The following CLSTN2 variants were observed in gnomAD, a reference collection of about 807,000 sequenced individuals.
CLSTN2 encodes calsyntenin-2.
A neutral mutation model predicts 101.2 loss-of-function variants in CLSTN2; 48 were observed. The ratio of observed to expected loss-of-function variants is 0.47; its 90% CI spans 0.38 to 0.60. CLSTN2 has a LOEUF of 0.60. CLSTN2 is among the 20% of genes least tolerant of loss of function. The pLI is 0.00. For synonymous variants in CLSTN2, 481 were observed against 463.6 expected, an observed-to-expected ratio of 1.04 and a Z score of -0.48; for missense variants, 1,160 against 1,238.2, an observed-to-expected ratio of 0.94 and a Z score of 0.95.
intron 1 of CLSTN2, among the ~76,000 whole-genome samples, chr3:140,028,257 C>T (rs562068428): frequency 6.6e-6 from 1 of 152,282 alleles, no homozygotes; most frequent in Admixed American, 6.5e-5. Flanking sequence ...TGTCCATTCC[C>T]AGCAAGTGGC....
chr3:139,961,396 G>A, intron 1 of CLSTN2, among the ~76,000 whole-genome samples: 2 of 152,198 alleles, frequency 1.3e-5, no homozygotes, highest in East Asian at 3.8e-4. Context: ...AGGTGGGATG[G>A]ATGTGGCAGA....
intron 10 of CLSTN2, among the ~76,000 whole-genome samples, chr3:140,549,782 C>T (rs1935671155): frequency 1.3e-5 from 2 of 150,086 alleles, no homozygotes; most frequent in South Asian, 4.2e-4. Flanking sequence ...TACTGCCCTC[C>T]TCCCACCTCT....
In CLSTN2 at chr3:140,232,040, G is replaced by A. The variant is rs372667943; in HGVS notation, c.232+55967G>A. Reference sequence around the variant, plus strand: ...TGGGTCAGTGTGAGGATTCAACGAGGAAAAGTATTTAAAATATCTATAACA... The same window carrying A: ...TGGGTCAGTGTGAGGATTCAACGAGAAAAAGTATTTAAAATATCTATAACA... On this transcript the variant is annotated intron_variant, in intron 2 of 16. Transcript: ENST00000458420. Among the ~76,000 whole-genome samples, 5 of 152,290 alleles carry A rather than the reference G, an allele frequency of 3.3e-5. No homozygotes were observed. In the East Asian group the frequency reaches 9.6e-4, roughly 29 times the overall value.
chr3:140,444,227 C>T (rs935177204), intron 5 of CLSTN2, among the ~76,000 whole-genome samples: 2 of 152,022 alleles, frequency 1.3e-5, no homozygotes, highest in African/African-American at 2.4e-5. Flanking sequence ...GTCAGGAGTT[C>T]GAGACCAGCC....
intron 12 of CLSTN2, among the ~76,000 whole-genome samples, chr3:140,559,177 A>C (rs1478695094): frequency 3.3e-5 from 5 of 151,718 alleles, no homozygotes; most frequent in Admixed American, 3.3e-4. Context: ...AAAAAAAAAA[A>C]ACACAGAAAA....
At chr3:140,223,520 G>A (rs1037865931) in intron 2 of CLSTN2, among the ~76,000 whole-genome samples, 3 of 152,082 alleles carry the variant, frequency 2.0e-5, no homozygotes, top group African/African-American at 7.2e-5. Flanking sequence ...AGTTTCCGAA[G>A]AAGGATCCTA....
intron 2 of CLSTN2, among the ~76,000 whole-genome samples, chr3:140,191,428 T>C (rs1387627537): frequency 6.6e-6 from 1 of 152,058 alleles, no homozygotes; most frequent in African/African-American, 2.4e-5. Context: ...ATAAAGTGAA[T>C]TGGGAAGTGT....
intron 8 of CLSTN2, among the ~76,000 whole-genome samples, chr3:140,510,798 C>T (rs1438412422): frequency 6.6e-6 from 1 of 152,238 alleles, no homozygotes; most frequent in Non-Finnish European, 1.5e-5. Context: ...AGAGTAACAT[C>T]TTTGCCCTGG....
chr3:140,451,778 TTCA>T, intron 6 of CLSTN2, among the ~76,000 whole-genome samples: 1 of 152,302 alleles, frequency 6.6e-6, no homozygotes, highest in Non-Finnish European at 1.5e-5. Flanking sequence ...TCTGTGTGTC[TTCA>T]GTGGATGGTA....
intron 4 of CLSTN2, among the ~76,000 whole-genome samples, chr3:140,405,234 T>A (rs554823836): frequency 2.4e-5 from 1 of 41,270 alleles, no homozygotes; most frequent in Admixed American, 3.3e-4. Context: ...TCATTCAGGA[T>A]TTTTTTTTTT....
In CLSTN2 at chr3:140,281,288, G is replaced by C. The variant is rs543803990; in HGVS notation, c.232+105215G>C. Among the ~76,000 whole-genome samples the C allele has an allele frequency of 8.6e-4, 131 of 152,282 alleles. 1 individual carries two copies. Among genetic ancestry groups the C allele is most frequent in the African/African-American group, 2.9e-3 (121 of 41,556 alleles). ...TTACTTAGTGTCTAAGATGTGGTAG[G>C]TATGGTGGGAGATAACAGGAAGGAA... On this transcript the variant is annotated intron_variant, in intron 2 of 16. Coordinates refer to ENST00000458420, the MANE Select transcript of CLSTN2 (RefSeq NM_022131.3).
At chr3:140,084,008 T>A (rs980153246) in intron 1 of CLSTN2, among the ~76,000 whole-genome samples, 1 of 152,214 alleles carries the variant, frequency 6.6e-6, no homozygotes, top group Non-Finnish European at 1.5e-5. Flanking sequence ...GTAGGAGATA[T>A]TCTTTATTGC....
rs1468577278 is a variant in CLSTN2, at chr3:140,224,795, A to T, written c.232+48722A>T. 3.3e-5 allele frequency among the ~76,000 whole-genome samples: 5 copies of T among 151,932 alleles called. No individual in the cohort carries two copies. The South Asian group carries it at 1.0e-3, about 32-fold the overall frequency. On this transcript the variant is annotated intron_variant, in intron 2 of 16. Transcript: ENST00000458420. The stretch of plus-strand genomic sequence containing the variant: ...TTCCCCAAACTTATGTAACCAAAAA[A>T]CTCTTGTTTGCTAATTCCTATTAGA...
intron 8 of CLSTN2, among the ~76,000 whole-genome samples, chr3:140,502,108 G>GCAGGC (rs1440474691): frequency 6.6e-6 from 1 of 152,234 alleles, no homozygotes; most frequent in Non-Finnish European, 1.5e-5. Flanking sequence ...ATGTATGAAA[G>GCAGGC]CAGGCTGTGC....
chr3:140,503,130 T>TTTAA (rs1253416259), intron 8 of CLSTN2, among the ~76,000 whole-genome samples: 2 of 152,170 alleles, frequency 1.3e-5, no homozygotes, highest in African/African-American at 2.4e-5. Context: ...TGCCTCCCTC[T>TTTAA]TTAATTGTGA....
intron 1 of CLSTN2, among the ~76,000 whole-genome samples, chr3:140,052,282 C>G (rs894633389): frequency 5.3e-5 from 8 of 152,134 alleles, no homozygotes; most frequent in African/African-American, 1.7e-4. Flanking sequence ...CCTCAGCCTC[C>G]CGAGTAGCTG....
At chr3:140,162,634 G>C (rs1029986494) in intron 1 of CLSTN2, among the ~76,000 whole-genome samples, 1 of 152,048 alleles carries the variant, frequency 6.6e-6, no homozygotes, top group African/African-American at 2.4e-5. Context: ...GCTGGGTGGC[G>C]GGGGCCTTTT....
intron 2 of CLSTN2, among the ~76,000 whole-genome samples, chr3:140,236,077 A>G (rs1559815018): frequency 6.6e-6 from 1 of 152,150 alleles, no homozygotes; most frequent in Non-Finnish European, 1.5e-5. Flanking sequence ...CTGTAAAATC[A>G]CAGATTTGGA....
intron 1 of CLSTN2, among the ~76,000 whole-genome samples, chr3:139,977,527 C>T (rs1169888042): frequency 7.2e-6 from 1 of 138,432 alleles, no homozygotes; most frequent in Non-Finnish European, 1.6e-5. Context: ...TTTTTACCCC[C>T]TTACTCATGA....
Sources: allele counts gnomAD v4.1 joint callset (sites outside exome capture counted in the v4.1 genomes callset), GRCh38; gene constraint gnomAD v4.1.1; transcripts MANE v1.5; gene names NCBI Gene and HGNC (gene_info 2026-07-23, HGNC 2026-07-21).